ATP4A: variants seen among roughly 807,000 people sequenced by gnomAD.
The protein encoded by ATP4A is potassium-transporting ATPase alpha chain 1.
Under a neutral mutation model 112.1 loss-of-function variants are expected in ATP4A, and 73 were observed. That is an observed-to-expected ratio of 0.65 (90% confidence interval 0.54 to 0.79). The LOEUF is 0.79. Ranked by LOEUF, ATP4A falls within the 30% of genes least tolerant of loss-of-function variation. ATP4A has a pLI of 0.00. For missense variants in ATP4A, 1,081 were observed against 1,425.9 expected (o/e 0.76, Z 3.90); for synonymous variants, 588 against 588.9 (o/e 1.00, Z 0.02).
chr19:35,555,341 G>A lies in ATP4A; in HGVS notation c.2158-7C>T. Reference sequence around the variant, plus strand: ...TGACGGCCACAATCGCACCCTGCAGGCAGTGGGTGCAGGTGGTGGGTGGGT... The same window carrying A: ...TGACGGCCACAATCGCACCCTGCAGACAGTGGGTGCAGGTGGTGGGTGGGT... On this transcript the variant is annotated splice_polypyrimidine_tract_variant and splice_region_variant and intron_variant, in intron 14 of 21. Coordinates refer to ENST00000262623, the MANE Select transcript of ATP4A (RefSeq NM_000704.3). This position sits in a 1 kb window ranked among gnomAD's most constrained non-coding sequence, Gnocchi z 6.6. 1 of 1,611,194 alleles carries A rather than the reference G, an allele frequency of 6.2e-7. No individual in the cohort carries two copies. Among genetic ancestry groups the A allele is most frequent in the Non-Finnish European group, 8.5e-7 (1 of 1,178,220 alleles).
In ATP4A at chr19:35,563,153, C is replaced by T; in HGVS notation, c.216+56G>A. ...CTCTCCATCTCCCTCCTTCCATCTC[C>T]CTCTCCCTCCCTCTCTCCTCCTCCC... On this transcript the variant is annotated intron_variant, in intron 3 of 21. Transcript: ENST00000262623. 10 of 1,588,486 alleles carry T rather than the reference C, an allele frequency of 6.3e-6. No homozygotes were observed. The South Asian group carries it at 1.1e-4, about 18-fold the overall frequency.
chr19:35,559,724 GTGA>G lies in ATP4A; in HGVS notation c.1056+78_1056+80del. The G allele has an allele frequency of 6.5e-7, 1 of 1,540,940 alleles. No individual in the cohort carries two copies. The highest frequency in any genetic ancestry group is 1.2e-5 in the South Asian group (1 of 80,366). Reference sequence around the variant, plus strand: ...AGTGGACAGATAGACAGGCAGGGAGGTGATGGGGGAAATGTGGAGGAAAGAACA... The same window carrying G: ...AGTGGACAGATAGACAGGCAGGGAGGTGGGGGAAATGTGGAGGAAAGAACA... On this transcript the variant is annotated intron_variant, in intron 7 of 21. Coordinates refer to ENST00000262623, the MANE Select transcript of ATP4A (RefSeq NM_000704.3). The surrounding 1 kb of genome is among the most constrained non-coding windows in gnomAD (Gnocchi z 4.1).
At position 35,551,030 on chromosome 19, in the gene ATP4A, G is replaced by A. The variant is rs767019999; in HGVS notation, c.2967C>T (p.Ile989=). 1.9e-6 allele frequency: 3 copies of A among 1,614,038 alleles called. No homozygotes were observed. The highest frequency in any genetic ancestry group is 1.1e-5 in the South Asian group (1 of 91,058). Residue 989 remains isoleucine, a synonymous_variant, in exon 20 of 22, where the codon ATC becomes ATT. Transcript: ENST00000262623. This position sits in a 1 kb window ranked among gnomAD's most constrained non-coding sequence, Gnocchi z 5.2. ...FLCYCPGMPN[I]FNFMPIRFQW... ...CTCACCGAATGGGCATGAAGTTGAAGATGTTGGGCATGCCGGGGCAGTAGC... is the reference window on the plus strand; with the variant it reads ...CTCACCGAATGGGCATGAAGTTGAAAATGTTGGGCATGCCGGGGCAGTAGC...
intron 4 of ATP4A, among the ~76,000 whole-genome samples, chr19:35,562,131 C>T (rs112111409): frequency 2.0e-5 from 3 of 152,228 alleles, no homozygotes; most frequent in African/African-American, 4.8e-5. Context: ...GCTGGGATTA[C>T]AGGCATGGGA....
intron 3 of ATP4A, 108 bp from the exon 4 acceptor site, chr19:35,562,746 C>T (rs2071679061): frequency 7.2e-6 from 8 of 1,111,296 alleles, no homozygotes; most frequent in Non-Finnish European, 1.0e-5. Flanking sequence ...GTCTGTCCTG[C>T]TCCTTCTCAT....
chr19:35,558,642 GGCACA>G lies in ATP4A; in HGVS notation c.1295_1299del (p.Leu432ProfsTer140). 6.3e-7 allele frequency: 1 copy of G among 1,593,456 alleles called. No homozygotes were observed. The highest frequency in any genetic ancestry group is 8.5e-7 in the Non-Finnish European group (1 of 1,173,340). ...GCGCGGTTGCACAGGGTGAGCACCC[GGCACA>G]GCGCCCGCCACGTCTCCGAGGACTG... On this transcript the variant is annotated frameshift_variant, in exon 9 of 22. Coordinates refer to ENST00000262623, the MANE Select transcript of ATP4A (RefSeq NM_000704.3). LOFTEE classifies it high-confidence loss of function. The surrounding 1 kb of genome is among the most constrained non-coding windows in gnomAD (Gnocchi z 5.1).
Position 35,562,642 on chromosome 19 carries a change from G to A in ATP4A, c.217-4C>T, listed in dbSNP as rs1295779827. 1.3e-6 allele frequency: 2 copies of A among 1,589,042 alleles called. No individual in the cohort carries two copies. Among genetic ancestry groups the A allele is most frequent in the East Asian group, 2.3e-5 (1 of 43,802 alleles). On this transcript the variant is annotated splice_region_variant and splice_polypyrimidine_tract_variant and intron_variant, in intron 3 of 21. Transcript: ENST00000262623. ...CAGCCAGGCTCGCAGAGAGGCCCTG[G>A]GACAGAGGGGCAGGGCGAGGCGGTC... is the stretch of plus-strand genomic sequence containing the variant.
Position 35,560,523 on chromosome 19 carries a change from T to C in ATP4A, c.627A>G (p.Arg209=), listed in dbSNP as rs1252223414. ...CCAGGATGCGGATGTCGGCGGGCAC[T>C]CTGTCCCCACCTTTCATCTCCACCA... ...GDLVEMKGGD[R]VPADIRILAA... is the part of the protein sequence containing the mutation. The change falls in exon 6 of 22, where the codon AGA becomes AGG. Residue 209 remains arginine (R), a synonymous_variant. Coordinates refer to ENST00000262623, the MANE Select transcript of ATP4A (RefSeq NM_000704.3). This position sits in a 1 kb window ranked among gnomAD's most constrained non-coding sequence, Gnocchi z 5.1. The C allele has an allele frequency of 3.1e-6, 5 of 1,613,482 alleles. No individual in the cohort carries two copies. The highest frequency in any genetic ancestry group is 1.3e-5 in the African/African-American group (1 of 74,894).
rs755654035 is a variant in ATP4A, at chr19:35,560,458, CCT to C, written c.690_691del (p.Glu232ValfsTer2). The C allele has an allele frequency of 1.4e-5, 22 of 1,613,764 alleles. No individual in the cohort carries two copies. Among genetic ancestry groups the C allele is most frequent in the Non-Finnish European group, 1.9e-5 (22 of 1,180,022 alleles). On this transcript the variant is annotated frameshift_variant, in exon 6 of 22. Transcript: ENST00000262623. LOFTEE classifies it high-confidence loss of function. The surrounding 1 kb of genome is among the most constrained non-coding windows in gnomAD (Gnocchi z 5.1). ...TGAGCGGGTCTGTGGCTCAGACTCC[CCT>C]GTCAGCGAGGAGTTGTCCACCTTGC...
At chr19:35,552,264 C>T (rs2071606207) in intron 18 of ATP4A, among the ~76,000 whole-genome samples, 1 of 152,158 alleles carries the variant, frequency 6.6e-6, no homozygotes, top group East Asian at 1.9e-4. Context: ...CTCCAGGTGC[C>T]GAGTGTTGCA....
At chr19:35,553,994 C>T in intron 16 of ATP4A, 165 bp from the exon 17 acceptor site, 1 of 987,162 alleles carries the variant, frequency 1.0e-6, no homozygotes, top group Non-Finnish European at 1.4e-6. Context: ...CTGGGCCCCA[C>T]TGGCCCCTGG....
At position 35,550,983 on chromosome 19, in the gene ATP4A, C is replaced by T; in HGVS notation, c.2987+27G>A. ...AGGCCTGTGCCCTACAGCCCCCTCC[C>T]TGTCCTTGCCCCTCACAGCCTCTCA... On this transcript the variant is annotated intron_variant, in intron 20 of 21. Transcript: ENST00000262623. The surrounding 1 kb of genome is among the most constrained non-coding windows in gnomAD (Gnocchi z 4.1). 6.2e-7 allele frequency: 1 copy of T among 1,613,096 alleles called. No homozygotes were observed.
rs1384096714 is a variant in ATP4A, at chr19:35,551,000, A to G, written c.2987+10T>C. ...CCCCCTCCCTGTCCTTGCCCCTCACAGCCTCTCACCGAATGGGCATGAAGT... is the reference window on the plus strand; with the variant it reads ...CCCCCTCCCTGTCCTTGCCCCTCACGGCCTCTCACCGAATGGGCATGAAGT... On this transcript the variant is annotated intron_variant, in intron 20 of 21. Coordinates refer to ENST00000262623, the MANE Select transcript of ATP4A (RefSeq NM_000704.3). The surrounding 1 kb of genome is among the most constrained non-coding windows in gnomAD (Gnocchi z 4.1). 6.2e-7 allele frequency: 1 copy of G among 1,613,412 alleles called. No homozygotes were observed. Among genetic ancestry groups the G allele is most frequent in the Non-Finnish European group, 8.5e-7 (1 of 1,179,688 alleles).
chr19:35,558,293 A>G lies in ATP4A; in HGVS notation c.1500+69T>C, dbSNP rs900065483. 4 of 1,530,978 alleles carry G rather than the reference A, an allele frequency of 2.6e-6. No homozygotes were observed. The African/African-American group carries it at 5.6e-5, about 21-fold the overall frequency. The allele number at this position is 1,530,978 out of a possible 1,614,324, so 94.8% of individuals were successfully genotyped here. A position where few individuals can be genotyped will look rare whatever the true frequency, so the allele number is the denominator to read the frequency against. ...GAGCGAAGCCCCTCGTGGCCCGCTG[A>G]TGTGGGTGTGGCCTGGGGCGGGGCC... On this transcript the variant is annotated intron_variant, in intron 10 of 21. Transcript: ENST00000262623. The surrounding 1 kb of genome is among the most constrained non-coding windows in gnomAD (Gnocchi z 5.1).
chr19:35,557,027 C>A lies in ATP4A; in HGVS notation c.1755G>T (p.Glu585Asp). ...DYPPGYAFDV[E>D]AMNFPSSGLC... ...GGCCGCTAGATGGAAAGTTCATGGC[C>A]TCTACGTCGAAGGCATAGCCAGGCG... The change falls in exon 12 of 22, where the codon GAG becomes GAT. Residue 585 changes from glutamate (E) to aspartate (D), a missense_variant. Coordinates refer to ENST00000262623, the MANE Select transcript of ATP4A (RefSeq NM_000704.3). The surrounding 1 kb of genome is among the most constrained non-coding windows in gnomAD (Gnocchi z 4.4). 6.2e-7 allele frequency: 1 copy of A among 1,614,212 alleles called. No individual in the cohort carries two copies. Among genetic ancestry groups the A allele is most frequent in the Non-Finnish European group, 8.5e-7 (1 of 1,180,034 alleles).
At chr19:35,556,172 C>T (rs2071630563) in intron 12 of ATP4A, among the ~76,000 whole-genome samples, 1 of 152,100 alleles carries the variant, frequency 6.6e-6, no homozygotes, top group Admixed American at 6.5e-5. Context: ...ACGTGGAAAG[C>T]TGGGAGAAGA....
chr19:35,558,985 C>T lies in ATP4A; in HGVS notation c.1255+8G>A, dbSNP rs767771756. On this transcript the variant is annotated splice_region_variant and intron_variant, in intron 8 of 21. Transcript: ENST00000262623. This position sits in a 1 kb window ranked among gnomAD's most constrained non-coding sequence, Gnocchi z 5.1. ...TGCCCTGGCGCCTGTGCCCTCCCTC[C>T]CCCACACCTGACTGGTCTTCCGTGG... 1.9e-6 allele frequency: 3 copies of T among 1,614,042 alleles called. No homozygotes were observed. The highest frequency in any genetic ancestry group is 2.5e-6 in the Non-Finnish European group (3 of 1,179,924).
At chr19:35,562,170 C>G (rs966625238) in intron 4 of ATP4A, among the ~76,000 whole-genome samples, 2 of 152,134 alleles carry the variant, frequency 1.3e-5, no homozygotes, top group Admixed American at 1.3e-4. Context: ...AATCCCATCT[C>G]TTACGTATCA....
rs779641421 is a variant in ATP4A at position 35,559,943 on chromosome 19, G to A, written c.918C>T (p.Ile306=). 2.5e-5 allele frequency: 40 copies of A among 1,614,110 alleles called. No individual in the cohort carries two copies. The highest frequency in any genetic ancestry group is 2.5e-5 in the Non-Finnish European group (29 of 1,180,050). ...CACCGAAGAGAATGGCCAGGCCCGC[G>A]ATGATGTCCACAAAATGCTCGATCT... ...AIEIEHFVDI[I]AGLAILFGAT... The change falls in exon 7 of 22, where the codon ATC becomes ATT. Residue 306 remains isoleucine, a synonymous_variant. Coordinates refer to ENST00000262623, the MANE Select transcript of ATP4A (RefSeq NM_000704.3). The surrounding 1 kb of genome is among the most constrained non-coding windows in gnomAD (Gnocchi z 4.1).
Sources: allele counts gnomAD v4.1 joint callset (sites outside exome capture counted in the v4.1 genomes callset), GRCh38; gene constraint gnomAD v4.1.1; non-coding constraint Gnocchi (gnomAD v3.1); transcripts MANE v1.5; gene names NCBI Gene and HGNC (gene_info 2026-07-23, HGNC 2026-07-21).